Variants in BICD1 observed in about 807,000 individuals in gnomAD.
BICD1 encodes BICD cargo adaptor 1, also known as protein bicaudal D homolog 1.
Under a neutral mutation model 92.5 loss-of-function variants are expected in BICD1, and 35 were observed. The ratio of observed to expected loss-of-function variants is 0.38; its 90% CI spans 0.29 to 0.50. The LOEUF is 0.50. BICD1 is among the 20% of genes least tolerant of loss of function. The probability of loss-of-function intolerance (pLI) is 0.93; values close to 1 mark genes in which losing one functional copy is unlikely to be tolerated. For synonymous variants in BICD1, 429 were observed against 465.1 expected (o/e 0.92, Z 1.00); for missense variants, 950 against 1,189.8 (o/e 0.80, Z 2.97).
chr12:32,314,826 A>T (rs1948458975), intron 4 of BICD1, among the ~76,000 whole-genome samples: 1 of 151,538 alleles, frequency 6.6e-6, no homozygotes, highest in Admixed American at 6.6e-5. Flanking sequence ...GTGGCTATTC[A>T]TAGGCACAAT....
At chr12:32,331,067 G>A (rs1462970235) in intron 5 of BICD1, among the ~76,000 whole-genome samples, 3 of 152,056 alleles carry the variant, frequency 2.0e-5, no homozygotes, top group Non-Finnish European at 4.4e-5. Flanking sequence ...CCCGGGGGGC[G>A]GAGGTTGCGG....
intron 1 of BICD1, among the ~76,000 whole-genome samples, chr12:32,201,007 A>G (rs1367333082): frequency 6.6e-6 from 1 of 152,232 alleles, no homozygotes; most frequent in Non-Finnish European, 1.5e-5. Context: ...AGTCGAGGTC[A>G]TGTTGGTAAC....
At chr12:32,208,834 T>C (rs924426440) in intron 1 of BICD1, among the ~76,000 whole-genome samples, 1 of 141,792 alleles carries the variant, frequency 7.1e-6, no homozygotes, top group African/African-American at 3.1e-5. Context: ...TATTTTTTTC[T>C]TTTTTTTTGA....
chr12:32,308,384 A>G (rs1261888078), intron 4 of BICD1, among the ~76,000 whole-genome samples: 1 of 152,180 alleles, frequency 6.6e-6, no homozygotes, highest in East Asian at 1.9e-4. Context: ...TTCTTAGAGG[A>G]CAGCACTTTA....
chr12:32,213,072 T>C (rs973126083), intron 1 of BICD1, among the ~76,000 whole-genome samples: 4 of 152,222 alleles, frequency 2.6e-5, no homozygotes, highest in African/African-American at 7.2e-5. Context: ...TTGACGTTGA[T>C]ACAATAGCAT....
intron 8 of BICD1, among the ~76,000 whole-genome samples, chr12:32,367,163 T>C (rs1939555734): frequency 6.6e-6 from 1 of 152,200 alleles, no homozygotes; most frequent in Admixed American, 6.6e-5. Flanking sequence ...CCTTGTTTAA[T>C]TAAGATTCTA....
intron 2 of BICD1, among the ~76,000 whole-genome samples, chr12:32,259,642 C>T (rs760956629): frequency 6.6e-6 from 1 of 152,154 alleles, no homozygotes; most frequent in Non-Finnish European, 1.5e-5. Context: ...CACAATGGGC[C>T]ACACACAAGT....
At chr12:32,331,122 C>A (rs974830656) in intron 5 of BICD1, among the ~76,000 whole-genome samples, 1 of 147,404 alleles carries the variant, frequency 6.8e-6, no homozygotes, top group African/African-American at 2.5e-5. Flanking sequence ...GCAACAAGAG[C>A]GAAAATCTGT....
chr12:32,355,533 G>A (rs1404549805), intron 8 of BICD1, among the ~76,000 whole-genome samples: 1 of 152,196 alleles, frequency 6.6e-6, no homozygotes, highest in African/African-American at 2.4e-5. Flanking sequence ...TGGGCGCAGT[G>A]GCTCACACCT....
In BICD1 at chr12:32,334,586, T is replaced by G; in HGVS notation, c.2171T>G (p.Met724Arg). ...ENEKAMVTET[M>R]TKLRNELKAL... ...GAAAAAGCAATGGTGACTGAAACCA[T>G]GACGAAGCTTAGAAATGAACTGAAG... The change falls in exon 6 of 10, where the codon ATG becomes AGG. Residue 724 changes from methionine to arginine, a missense_variant. Around this residue, in one of 5 missense-constraint regions of BICD1, gnomAD observed 309 missense variants for 499.4 expected, o/e 0.62. Transcript: ENST00000652176. The G allele has an allele frequency of 3.1e-6, 5 of 1,612,942 alleles. No individual in the cohort carries two copies. Among genetic ancestry groups the G allele is most frequent in the Non-Finnish European group, 4.2e-6 (5 of 1,179,466 alleles).
intron 1 of BICD1, among the ~76,000 whole-genome samples, chr12:32,200,346 AC>A (rs1327992025): frequency 2.0e-5 from 3 of 152,242 alleles, no homozygotes. Context: ...ACCATAGCCG[AC>A]CAGGACAGAG....
At chr12:32,117,920 T>C (rs1276858701) in intron 1 of BICD1, among the ~76,000 whole-genome samples, 1 of 150,324 alleles carries the variant, frequency 6.7e-6, no homozygotes, top group African/African-American at 2.4e-5. Flanking sequence ...CCAGCTAATT[T>C]TGTATTTTTA....
At chr12:32,267,877 C>T (rs1033780782) in intron 2 of BICD1, among the ~76,000 whole-genome samples, 1 of 152,216 alleles carries the variant, frequency 6.6e-6, no homozygotes, top group African/African-American at 2.4e-5. Flanking sequence ...AATCATGGCT[C>T]ACTACACCCT....
chr12:32,111,976 C>A (rs951988134), intron 1 of BICD1, among the ~76,000 whole-genome samples: 1 of 150,886 alleles, frequency 6.6e-6, no homozygotes, highest in Admixed American at 6.6e-5. Context: ...TTTTCTGGAC[C>A]CAGTTGCTCT....
chr12:32,270,119 T>TTTTTTTTTTTTTTTTTTTTTTTTTTGAG (rs1177826245), intron 2 of BICD1, among the ~76,000 whole-genome samples: 1 of 129,088 alleles, frequency 7.7e-6, no homozygotes, highest in African/African-American at 3.2e-5. Flanking sequence ...AGACTCCCTC[T>TTTTTTTTTTTTTTTTTTTTTTTTTTGAG]AAAAAAAAAA....
intron 2 of BICD1, among the ~76,000 whole-genome samples, chr12:32,288,361 A>G (rs61926959): frequency 0.17 from 26,174 of 151,072 alleles, 2,377 homozygotes; most frequent in East Asian, 0.28. Context: ...CCCCCTGACT[A>G]GCTGGGACTA....
Position 32,254,281 on chromosome 12 carries a change from A to G in BICD1, c.426+37822A>G, listed in dbSNP as rs544014861. Among the ~76,000 whole-genome samples, 11 of 146,330 alleles carry G rather than the reference A, an allele frequency of 7.5e-5. No individual in the cohort carries two copies. In the East Asian group the frequency reaches 1.5e-3, roughly 19 times the overall value. On this transcript the variant is annotated intron_variant, in intron 2 of 9. Coordinates refer to ENST00000652176, the MANE Select transcript of BICD1 (RefSeq NM_001714.4). ...TATTCACTGCCGTATCCCACCTGCCATAATCACTGCCCATATTCCCACCTG... is the reference window on the plus strand; with the variant it reads ...TATTCACTGCCGTATCCCACCTGCCGTAATCACTGCCCATATTCCCACCTG...
At chr12:32,213,562 A>G (rs1945276910) in intron 1 of BICD1, among the ~76,000 whole-genome samples, 1 of 152,038 alleles carries the variant, frequency 6.6e-6, no homozygotes, top group African/African-American at 2.4e-5. Flanking sequence ...CGCCTGGCTA[A>G]TTTTTGTATT....
chr12:32,363,518 T>C (rs1182719961), intron 8 of BICD1, among the ~76,000 whole-genome samples: 1 of 152,226 alleles, frequency 6.6e-6, no homozygotes, highest in Admixed American at 6.5e-5. Context: ...TATGATAAAA[T>C]GTCTTATTAC....
Sources: gnomAD v4.1 joint callset for allele counts (sites outside exome capture counted in the v4.1 genomes callset) on GRCh38, gnomAD v4.1.1 for gene constraint, gnomAD v4.1.1 regional missense constraint, MANE v1.5 for transcripts, NCBI Gene and HGNC (gene_info 2026-07-23, HGNC 2026-07-21) for gene names.